The following SKAP1 variants were observed in gnomAD, a reference collection of about 807,000 sequenced individuals.
SKAP1 encodes the protein src kinase associated phosphoprotein 1.
A neutral mutation model predicts 58.5 loss-of-function variants in SKAP1; 44 were observed. That is an observed-to-expected ratio of 0.75 (90% confidence interval 0.59 to 0.97). The LOEUF is 0.97. Among genes scored for constraint, SKAP1 ranks in the 50% least tolerant of loss-of-function variants. The probability of loss-of-function intolerance (pLI) is 0.00; values close to 1 mark genes in which losing one functional copy is unlikely to be tolerated. For synonymous variants in SKAP1, 127 were observed against 149.7 expected, an observed-to-expected ratio of 0.85 and a Z score of 1.11; for missense variants, 390 against 435.2, an observed-to-expected ratio of 0.90 and a Z score of 0.92.
rs71141969 is a variant in SKAP1 at position 48,171,093 on chromosome 17, G to GTTTTTTTTT, written c.827-443_827-435dup. ...CTTTAAGGAAAGTTTAATTACTGTT[G>GTTTTTTTTT]TTTTTTTTTTTTTTTTTTTTTTTTT... On this transcript the variant is annotated intron_variant, in intron 9 of 12. Transcript: ENST00000336915. Among the ~76,000 whole-genome samples the GTTTTTTTTT allele has an allele frequency of 1.0e-4, 7 of 70,242 alleles. 1 individual carries two copies. Among genetic ancestry groups the GTTTTTTTTT allele is most frequent in the Non-Finnish European group, 1.2e-4 (5 of 40,874 alleles). 46.1% of individuals were successfully genotyped at this position (70,242 alleles called of 152,430 possible). A position where few individuals can be genotyped will look rare whatever the true frequency, so the allele number is the denominator to read the frequency against.
At chr17:48,321,726 A>T (rs938290575) in intron 4 of SKAP1, among the ~76,000 whole-genome samples, 1 of 152,028 alleles carries the variant, frequency 6.6e-6, no homozygotes, top group Non-Finnish European at 1.5e-5. Flanking sequence ...CCATCTCTCC[A>T]TTGAAAGGTC....
intron 10 of SKAP1, among the ~76,000 whole-genome samples, chr17:48,165,896 A>AT (rs565833205): frequency 6.6e-6 from 1 of 151,986 alleles, no homozygotes; most frequent in Non-Finnish European, 1.5e-5. Flanking sequence ...CCATCTAATT[A>AT]TTTTTTTTCC....
chr17:48,180,007 G>T (rs764441681), intron 9 of SKAP1, 47 bp downstream of exon 9: 22 of 1,492,598 alleles, frequency 1.5e-5, no homozygotes, highest in Middle Eastern at 1.8e-4. Flanking sequence ...ACCAGGTCAT[G>T]AATTTCTGAA....
chr17:48,237,028 G>C (rs1380504915), intron 4 of SKAP1, among the ~76,000 whole-genome samples: 1 of 152,196 alleles, frequency 6.6e-6, no homozygotes, highest in Non-Finnish European at 1.5e-5. Flanking sequence ...GTGAGGATAA[G>C]TGACTCACTC....
chr17:48,289,873 A>T (rs1036684779), intron 4 of SKAP1, among the ~76,000 whole-genome samples: 2 of 152,172 alleles, frequency 1.3e-5, no homozygotes, highest in African/African-American at 4.8e-5. Flanking sequence ...TCTAAACTAA[A>T]GGAGTATTTC....
intron 4 of SKAP1, among the ~76,000 whole-genome samples, chr17:48,273,475 G>A (rs1016888911): frequency 4.6e-5 from 7 of 151,108 alleles, no homozygotes; most frequent in African/African-American, 1.7e-4. Context: ...AGGCTGGAGT[G>A]CAGTGGCATG....
intron 1 of SKAP1, among the ~76,000 whole-genome samples, chr17:48,403,706 T>C (rs2067531968): frequency 6.6e-6 from 1 of 152,110 alleles, no homozygotes; most frequent in South Asian, 2.1e-4. Context: ...GGTTTGGCCA[T>C]ATAGAAGGAG....
chr17:48,136,718 A>C (rs923668022), intron 12 of SKAP1, among the ~76,000 whole-genome samples: 2 of 146,508 alleles, frequency 1.4e-5, no homozygotes, highest in African/African-American at 2.5e-5. Flanking sequence ...TCTGTTGCCC[A>C]GGCTGGAGTC....
At chr17:48,289,514 A>C (rs1279243114) in intron 4 of SKAP1, among the ~76,000 whole-genome samples, 1 of 152,240 alleles carries the variant, frequency 6.6e-6, no homozygotes, top group East Asian at 1.9e-4. Context: ...TATTTGAAAA[A>C]CTGATCTGCA....
At chr17:48,400,682 A>C (rs775089303) in intron 1 of SKAP1, among the ~76,000 whole-genome samples, 2 of 152,048 alleles carry the variant, frequency 1.3e-5, no homozygotes, top group African/African-American at 2.4e-5. Context: ...AGGGAGGTTG[A>C]GGCTGCAGTG....
At chr17:48,315,112 T>C (rs964691858) in intron 4 of SKAP1, among the ~76,000 whole-genome samples, 6 of 152,104 alleles carry the variant, frequency 3.9e-5, no homozygotes, top group African/African-American at 1.4e-4. Context: ...GATAGCAAAA[T>C]ATAACTAAAA....
chr17:48,355,375 T>G (rs1182566129), intron 3 of SKAP1, among the ~76,000 whole-genome samples: 1 of 152,146 alleles, frequency 6.6e-6, no homozygotes, highest in Non-Finnish European at 1.5e-5. Context: ...CCTCTCAGGC[T>G]CAAGTGATCC....
chr17:48,316,494 T>A (rs1422683691), intron 4 of SKAP1, among the ~76,000 whole-genome samples: 1 of 152,212 alleles, frequency 6.6e-6, no homozygotes, highest in Non-Finnish European at 1.5e-5. Flanking sequence ...TCACCCTTTT[T>A]AGTCATTCTC....
At chr17:48,424,472 A>T (rs1405183884) in intron 1 of SKAP1, among the ~76,000 whole-genome samples, 1 of 150,370 alleles carries the variant, frequency 6.7e-6, no homozygotes, top group African/African-American at 2.4e-5. Context: ...TGATCCGCCC[A>T]CCTCAGCCTC....
intron 10 of SKAP1, among the ~76,000 whole-genome samples, chr17:48,168,093 GA>G (rs1254001523): frequency 2.0e-5 from 3 of 152,090 alleles, no homozygotes; most frequent in African/African-American, 4.8e-5. Flanking sequence ...TGAAATAAAA[GA>G]AATTACATCT....
intron 4 of SKAP1, among the ~76,000 whole-genome samples, chr17:48,265,441 G>A (rs2065534227): frequency 6.6e-6 from 1 of 151,528 alleles, no homozygotes; most frequent in East Asian, 1.9e-4. Context: ...GGAGGCGGAG[G>A]TTGCAGTGAG....
intron 4 of SKAP1, among the ~76,000 whole-genome samples, chr17:48,258,043 G>A (rs1453083214): frequency 6.6e-6 from 1 of 151,992 alleles, no homozygotes; most frequent in East Asian, 1.9e-4. Flanking sequence ...CCAGCAAAAA[G>A]CTCGCATCAT....
chr17:48,326,683 A>T (rs1429940419), intron 4 of SKAP1, among the ~76,000 whole-genome samples: 1 of 152,184 alleles, frequency 6.6e-6, no homozygotes, highest in Non-Finnish European at 1.5e-5. Context: ...TCAGAGCAGG[A>T]CATTAATACA....
At chr17:48,364,802 C>G (rs1007819203) in intron 2 of SKAP1, among the ~76,000 whole-genome samples, 1 of 152,214 alleles carries the variant, frequency 6.6e-6, no homozygotes, top group African/African-American at 2.4e-5. Flanking sequence ...GAATGGGGCT[C>G]TTGCAGTTCA....
Sources: gnomAD v4.1 joint callset for allele counts (sites outside exome capture counted in the v4.1 genomes callset) on GRCh38, gnomAD v4.1.1 for gene constraint, MANE v1.5 for transcripts, NCBI Gene and HGNC (gene_info 2026-07-23, HGNC 2026-07-21) for gene names.